The following SHISA3 variants were observed in gnomAD, a reference collection of about 807,000 sequenced individuals.
SHISA3 encodes shisa family member 3, also known as protein shisa-3 homolog.
Under a neutral mutation model 19.2 loss-of-function variants are expected in SHISA3, and 15 were observed. The observed-to-expected ratio is 0.78, with a 90% CI of 0.52 to 1.20. The LOEUF is 1.20. Ranked by LOEUF, SHISA3 falls within the 50% of genes most tolerant of loss-of-function variation. The probability of loss-of-function intolerance (pLI) is 0.00; values close to 1 mark genes in which losing one functional copy is unlikely to be tolerated. For missense variants in SHISA3, 327 were observed against 315.7 expected, an observed-to-expected ratio of 1.04 and a Z score of -0.27; for synonymous variants, 145 against 135.2, an observed-to-expected ratio of 1.07 and a Z score of -0.50.
chr4:42,401,121 C>G lies in SHISA3; in HGVS notation c.387C>G (p.Pro129=). 2 of 1,614,242 alleles carry G rather than the reference C, an allele frequency of 1.2e-6. No individual in the cohort carries two copies. Among genetic ancestry groups the G allele is most frequent in the South Asian group, 1.1e-5 (1 of 91,082 alleles). ...GCACCTGTTTGAGACCCAAGGAGCCCTCGCAGCAGCCAATCCGCTTCTCAC... is the reference window on the plus strand; with the variant it reads ...GCACCTGTTTGAGACCCAAGGAGCCGTCGCAGCAGCCAATCCGCTTCTCAC... ...YCCTCLRPKE[P]SQQPIRFSLR... Residue 129 remains proline (P), a synonymous_variant, in exon 2 of 2, where the codon CCC becomes CCG. Coordinates refer to ENST00000319234, the MANE Select transcript of SHISA3 (RefSeq NM_001080505.3).
At chr4:42,399,199 G>A (rs1711836929) in intron 1 of SHISA3, among the ~76,000 whole-genome samples, 1 of 152,252 alleles carries the variant, frequency 6.6e-6, no homozygotes, top group East Asian at 1.9e-4. Flanking sequence ...GCTGAGAGCG[G>A]GTGACACCCC....
In SHISA3 at chr4:42,398,143, C is replaced by T. The variant is rs905903027; in HGVS notation, c.87C>T (p.His29=). 6.2e-7 allele frequency: 1 copy of T among 1,605,860 alleles called. No homozygotes were observed. Residue 29 remains histidine (H), a synonymous_variant, in exon 1 of 2, where the codon CAC becomes CAT. Coordinates refer to ENST00000319234, the MANE Select transcript of SHISA3 (RefSeq NM_001080505.3). ...AGAQQSGEYC[H]GWVDVQGNYH... ...CCCAGCAGTCCGGAGAGTACTGCCA[C>T]GGCTGGGTGGACGTGCAGGGCAACT...
chr4:42,399,987 G>T (rs1196084621), intron 1 of SHISA3, among the ~76,000 whole-genome samples: 1 of 152,228 alleles, frequency 6.6e-6, no homozygotes, highest in Non-Finnish European at 1.5e-5. Flanking sequence ...AAACTTCTCT[G>T]ATGTATTTCC....
Position 42,398,297 on chromosome 4 carries a change from G to A in SHISA3, c.241G>A (p.Asp81Asn), listed in dbSNP as rs866477983. 18 of 1,561,590 alleles carry A rather than the reference G, an allele frequency of 1.2e-5. No individual in the cohort carries two copies. Among genetic ancestry groups the A allele is most frequent in the Admixed American group, 7.5e-5 (4 of 53,208 alleles). ...GCTGGAGCAGGGCGGCTGCACCAAC[G>A]ACCGCCGCGAACTGGAGCACCCAGG... ...ARLEQGGCTN[D>N]RRELEHPGIT... The change falls in exon 1 of 2, where the codon GAC becomes AAC. Residue 81 changes from aspartate to asparagine, a missense_variant. Transcript: ENST00000319234.
intron 1 of SHISA3, among the ~76,000 whole-genome samples, chr4:42,400,631 A>G (rs888554048): frequency 1.3e-5 from 2 of 152,150 alleles, no homozygotes; most frequent in African/African-American, 4.8e-5. Context: ...CTTACTGCTC[A>G]CCGTGATCAA....
chr4:42,401,581 A>C lies in SHISA3; in HGVS notation c.*130A>C, dbSNP rs906616997. 4.3e-6 allele frequency: 4 copies of C among 941,000 alleles called. No homozygotes were observed. Among genetic ancestry groups the C allele is most frequent in the Non-Finnish European group, 6.2e-6 (4 of 645,808 alleles). 58.3% of individuals were successfully genotyped at this position (941,000 alleles called of 1,614,324 possible). A position where few individuals can be genotyped will look rare whatever the true frequency, so the allele number is the denominator to read the frequency against. Reference sequence around the variant, plus strand: ...GTGTCATGGAGGAGCATGCTAGGAAAACACAGCACCTTCTAATTTGAAAGT... The same window carrying C: ...GTGTCATGGAGGAGCATGCTAGGAACACACAGCACCTTCTAATTTGAAAGT... On this transcript the variant is annotated 3_prime_UTR_variant, in exon 2 of 2. Coordinates refer to ENST00000319234, the MANE Select transcript of SHISA3 (RefSeq NM_001080505.3).
chr4:42,402,223 C>T lies in SHISA3; in HGVS notation c.*772C>T, dbSNP rs1283584347. ...AAAGTTGGACAGTTGGGGCTTAAAA[C>T]ATTTATTTGTAAAATGAGCTATGTT... On this transcript the variant is annotated 3_prime_UTR_variant, in exon 2 of 2. Transcript: ENST00000319234. The T allele has an allele frequency of 2.0e-5, 3 of 152,114 alleles. No homozygotes were observed. The highest frequency in any genetic ancestry group is 2.9e-5 in the Non-Finnish European group (2 of 68,012). The allele number at this position is 152,114 out of a possible 1,614,324, so 9.4% of individuals were successfully genotyped here.
At chr4:42,399,608 A>G (rs1711849772) in intron 1 of SHISA3, among the ~76,000 whole-genome samples, 2 of 152,224 alleles carry the variant, frequency 1.3e-5, no homozygotes, top group African/African-American at 4.8e-5. Context: ...CGGATGCCAG[A>G]GGACAGCAGA....
Position 42,397,779 on chromosome 4 carries a change from A to G in SHISA3, c.-278A>G, listed in dbSNP as rs909278321. On this transcript the variant is annotated 5_prime_UTR_variant, in exon 1 of 2. Coordinates refer to ENST00000319234, the MANE Select transcript of SHISA3 (RefSeq NM_001080505.3). ...CGCTATGAGCCGGGCGAAGGGCGGC[A>G]GCGACAGCCCCAGCAACTGCCTCTG... is the stretch of plus-strand genomic sequence containing the variant. The G allele has an allele frequency of 1.5e-5, 6 of 404,050 alleles. No individual in the cohort carries two copies. The highest frequency in any genetic ancestry group is 2.2e-5 in the Non-Finnish European group (5 of 228,382). The allele number at this position is 404,050 out of a possible 1,614,324, so 25.0% of individuals were successfully genotyped here.
At chr4:42,400,784 G>A (rs543007062) in intron 1 of SHISA3, among the ~76,000 whole-genome samples, 1 of 152,074 alleles carries the variant, frequency 6.6e-6, no homozygotes, top group East Asian at 1.9e-4. Context: ...TGCTAACAGA[G>A]GCTACGGTAT....
chr4:42,401,201 G>C lies in SHISA3; in HGVS notation c.467G>C (p.Arg156Thr), dbSNP rs779768684. 1.2e-6 allele frequency: 2 copies of C among 1,614,150 alleles called. No homozygotes were observed. Among genetic ancestry groups the C allele is most frequent in the South Asian group, 2.2e-5 (2 of 91,080 alleles). Reference protein sequence around the residue: ...LPMILTSTSPRAPSRQSSTAT... With the variant: ...LPMILTSTSPTAPSRQSSTAT... ...ATGATCCTGACCTCCACCAGCCCCAGGGCACCCTCCCGGCAGTCCAGCACA... is the reference window on the plus strand; with the variant it reads ...ATGATCCTGACCTCCACCAGCCCCACGGCACCCTCCCGGCAGTCCAGCACA... Residue 156 changes from arginine to threonine, a missense_variant, in exon 2 of 2, where the codon AGG becomes ACG. Transcript: ENST00000319234.
At position 42,401,187 on chromosome 4, in the gene SHISA3, C is replaced by A; in HGVS notation, c.453C>A (p.Thr151=). The A allele has an allele frequency of 6.2e-7, 1 of 1,614,226 alleles. No homozygotes were observed. Among genetic ancestry groups the A allele is most frequent in the Non-Finnish European group, 8.5e-7 (1 of 1,180,044 alleles). Residue 151 remains threonine (T), a synonymous_variant, in exon 2 of 2, where the codon ACC becomes ACA. Transcript: ENST00000319234. ...YQTETLPMIL[T]STSPRAPSRQ... ...CAGAGACCCTGCCCATGATCCTGACCTCCACCAGCCCCAGGGCACCCTCCC... is the reference window on the plus strand; with the variant it reads ...CAGAGACCCTGCCCATGATCCTGACATCCACCAGCCCCAGGGCACCCTCCC...
rs1711929727 is a variant in SHISA3, at chr4:42,401,720, A to T, written c.*269A>T. 2 of 388,582 alleles carry T rather than the reference A, an allele frequency of 5.1e-6. No homozygotes were observed. Among genetic ancestry groups the T allele is most frequent in the Non-Finnish European group, 9.1e-6 (2 of 219,540 alleles). The allele number at this position is 388,582 out of a possible 1,614,324, so 24.1% of individuals were successfully genotyped here. A position where few individuals can be genotyped will look rare whatever the true frequency, so the allele number is the denominator to read the frequency against. On this transcript the variant is annotated 3_prime_UTR_variant, in exon 2 of 2. Transcript: ENST00000319234. ...TTTATTCAAAATATGCAGCAGTTTG[A>T]CTTTAAAGTTGCAAACTGGCTAAAA...
Position 42,397,929 on chromosome 4 carries a change from G to C in SHISA3, c.-128G>C. 1.1e-6 allele frequency: 1 copy of C among 943,466 alleles called. No homozygotes were observed. Among genetic ancestry groups the C allele is most frequent in the Non-Finnish European group, 1.5e-6 (1 of 661,500 alleles). The allele number at this position is 943,466 out of a possible 1,614,324, so 58.4% of individuals were successfully genotyped here. A position where few individuals can be genotyped will look rare whatever the true frequency, so the allele number is the denominator to read the frequency against. On this transcript the variant is annotated 5_prime_UTR_variant, in exon 1 of 2. Transcript: ENST00000319234. Reference sequence around the variant, plus strand: ...TGCTATCCCACGCAGGACTGGCTTCGGCCGCCGGGGCCAGCAGCTTGCGAC... The same window carrying C: ...TGCTATCCCACGCAGGACTGGCTTCCGCCGCCGGGGCCAGCAGCTTGCGAC...
At position 42,401,515 on chromosome 4, in the gene SHISA3, G is replaced by C; in HGVS notation, c.*64G>C. ...AGACAGGTGGAGCCCTGCTCCCATTGCCACATGCAATTCTGAGAAAATTTC... is the reference window on the plus strand; with the variant it reads ...AGACAGGTGGAGCCCTGCTCCCATTCCCACATGCAATTCTGAGAAAATTTC... On this transcript the variant is annotated 3_prime_UTR_variant, in exon 2 of 2. Transcript: ENST00000319234. 6.7e-7 allele frequency: 1 copy of C among 1,494,332 alleles called. No homozygotes were observed. Among genetic ancestry groups the C allele is most frequent in the Non-Finnish European group, 9.0e-7 (1 of 1,113,162 alleles). The allele number at this position is 1,494,332 out of a possible 1,614,324, so 92.6% of individuals were successfully genotyped here.
chr4:42,401,316 GC>G lies in SHISA3; in HGVS notation c.584del (p.Pro195HisfsTer50). 1 of 1,614,014 alleles carries G rather than the reference GC, an allele frequency of 6.2e-7. No individual in the cohort carries two copies. Reference protein sequence around the residue: ...PGCLVPSPPPPYTTSHSIHLA... With the variant: ...PGCLVPSPPPXYTTSHSIHLA... ...GCTGCCTGGTGCCCTCACCGCCCCC[GC>G]CATACACCACCAGCCACTCAATCCA... On this transcript the variant is annotated frameshift_variant, in exon 2 of 2. Transcript: ENST00000319234. LOFTEE classifies it high-confidence loss of function.
chr4:42,401,211 C>A lies in SHISA3; in HGVS notation c.477C>A (p.Ser159=). The A allele has an allele frequency of 1.2e-6, 2 of 1,614,236 alleles. No individual in the cohort carries two copies. The highest frequency in any genetic ancestry group is 2.2e-5 in the South Asian group (2 of 91,092). ...ILTSTSPRAP[S]RQSSTATSSS... ...CCTCCACCAGCCCCAGGGCACCCTCCCGGCAGTCCAGCACAGCCACGAGCT... is the reference window on the plus strand; with the variant it reads ...CCTCCACCAGCCCCAGGGCACCCTCACGGCAGTCCAGCACAGCCACGAGCT... Residue 159 remains serine (S), a synonymous_variant, in exon 2 of 2, where the codon TCC becomes TCA. Coordinates refer to ENST00000319234, the MANE Select transcript of SHISA3 (RefSeq NM_001080505.3).
chr4:42,400,907 T>C (rs1046305260), intron 1 of SHISA3, 105 bp from the exon 2 acceptor site: 2 of 1,135,180 alleles, frequency 1.8e-6, no homozygotes, highest in African/African-American at 1.6e-5. Context: ...ACAGCAGTGA[T>C]AGTAACTGAG....
In SHISA3 at chr4:42,401,597, A is replaced by ATT; in HGVS notation, c.*148_*149dup. On this transcript the variant is annotated 3_prime_UTR_variant, in exon 2 of 2. Coordinates refer to ENST00000319234, the MANE Select transcript of SHISA3 (RefSeq NM_001080505.3). ...TGCTAGGAAAACACAGCACCTTCTA[A>ATT]TTTGAAAGTTCCTGTCTCCAATCAC... 4.9e-6 allele frequency: 4 copies of ATT among 822,402 alleles called. No individual in the cohort carries two copies. In the South Asian group the frequency reaches 9.3e-5, roughly 19 times the overall value. 50.9% of individuals were successfully genotyped at this position (822,402 alleles called of 1,614,324 possible). A position where few individuals can be genotyped will look rare whatever the true frequency, so the allele number is the denominator to read the frequency against.
Sources: allele counts gnomAD v4.1 joint callset (sites outside exome capture counted in the v4.1 genomes callset), GRCh38; gene constraint gnomAD v4.1.1; transcripts MANE v1.5; gene names NCBI Gene and HGNC (gene_info 2026-07-23, HGNC 2026-07-21).